Variants in ZSCAN5A observed in about 807,000 individuals in gnomAD.
ZSCAN5A encodes the protein zinc finger and SCAN domain containing 5A, also known as zinc finger and SCAN domain-containing protein 5A.
ZSCAN5A carries 12 observed loss-of-function variants against 23.7 expected under a neutral mutation model. The observed-to-expected ratio is 0.51, with a 90% CI of 0.32 to 0.82. The LOEUF (loss-of-function observed/expected upper bound fraction) is 0.82, where lower values mean the gene tolerates loss of function less well. ZSCAN5A is among the 40% of genes least tolerant of loss of function. The pLI, the probability that ZSCAN5A is intolerant of heterozygous loss-of-function variation, is 0.03. For synonymous variants in ZSCAN5A, 257 were observed against 239.9 expected (o/e 1.07, Z -0.66); for missense variants, 597 against 617.9 (o/e 0.97, Z 0.36).
At chr19:56,253,153 C>T (rs1374914881) in intron 2 of ZSCAN5A, among the ~76,000 whole-genome samples, 1 of 151,832 alleles carries the variant, frequency 6.6e-6, no homozygotes, top group Admixed American at 6.6e-5. Context: ...AGGTGTGAGC[C>T]TATAGGTTCA....
intron 2 of ZSCAN5A, among the ~76,000 whole-genome samples, chr19:56,238,873 G>A (rs2035194289): frequency 6.6e-6 from 1 of 151,882 alleles, no homozygotes; most frequent in Non-Finnish European, 1.5e-5. Context: ...CATGTTTCAA[G>A]AGGAGAGGAC....
At chr19:56,327,042 A>C (rs952854702) in intron 2 of ZSCAN5A, among the ~76,000 whole-genome samples, 1 of 150,492 alleles carries the variant, frequency 6.6e-6, no homozygotes, top group Non-Finnish European at 1.5e-5. Context: ...ACTTACATGA[A>C]TATAGAAAAG....
Position 56,225,123 on chromosome 19 carries a change from C to T in ZSCAN5A, c.-77G>A. On this transcript the variant is annotated 5_prime_UTR_variant, in exon 3 of 6. It adds an upstream start codon to the 5' untranslated region. Coordinates refer to ENST00000683990, the MANE Select transcript of ZSCAN5A (RefSeq NM_001322064.3). ...GGTATCTAATTGATACCTATCTACA[C>T]AGGCTTCCTCTGGTTTTCCTCAGTA... 1.3e-6 allele frequency: 2 copies of T among 1,504,658 alleles called. No individual in the cohort carries two copies. The highest frequency in any genetic ancestry group is 8.8e-7 in the Non-Finnish European group (1 of 1,135,412). 93.2% of individuals were successfully genotyped at this position (1,504,658 alleles called of 1,614,324 possible). A position where few individuals can be genotyped will look rare whatever the true frequency, so the allele number is the denominator to read the frequency against.
chr19:56,349,419 G>A (rs10411000), intron 2 of ZSCAN5A, among the ~76,000 whole-genome samples: 4 of 152,134 alleles, frequency 2.6e-5, no homozygotes, highest in African/African-American at 9.7e-5. Flanking sequence ...GATCTTGGCC[G>A]AGCGCGGTGG....
chr19:56,227,854 G>C (rs997239043), intron 2 of ZSCAN5A, among the ~76,000 whole-genome samples: 1 of 151,856 alleles, frequency 6.6e-6, no homozygotes, highest in African/African-American at 2.4e-5. Context: ...AGGAGTTCAG[G>C]ACCAGCCTGA....
chr19:56,240,873 C>A (rs1305538350), intron 2 of ZSCAN5A, among the ~76,000 whole-genome samples: 1 of 152,094 alleles, frequency 6.6e-6, no homozygotes, highest in Non-Finnish European at 1.5e-5. Flanking sequence ...ACAGGCCCGG[C>A]TACATTTTAT....
chr19:56,289,613 T>C (rs560895689), intron 2 of ZSCAN5A, among the ~76,000 whole-genome samples: 45 of 152,188 alleles, frequency 3.0e-4, no homozygotes, highest in African/African-American at 1.1e-3. Flanking sequence ...GGTCTGTTTG[T>C]TTGTTTTTGG....
At chr19:56,253,407 T>C (rs913385782) in intron 2 of ZSCAN5A, among the ~76,000 whole-genome samples, 4 of 152,074 alleles carry the variant, frequency 2.6e-5, no homozygotes, top group African/African-American at 9.7e-5. Flanking sequence ...CTAGAAAGGT[T>C]GGAACACCTG....
intron 2 of ZSCAN5A, among the ~76,000 whole-genome samples, chr19:56,267,591 C>T (rs955529631): frequency 2.0e-5 from 3 of 152,194 alleles, no homozygotes; most frequent in Admixed American, 6.5e-5. Flanking sequence ...CTGGGTAGCA[C>T]GGATACAGGA....
chr19:56,308,474 C>T (rs1201231629), intron 2 of ZSCAN5A, among the ~76,000 whole-genome samples: 2 of 152,064 alleles, frequency 1.3e-5, no homozygotes, highest in Non-Finnish European at 2.9e-5. Flanking sequence ...CAGGCATGCA[C>T]CACCACACCT....
intron 2 of ZSCAN5A, among the ~76,000 whole-genome samples, chr19:56,307,446 C>A (rs1399408720): frequency 6.6e-6 from 1 of 152,136 alleles, no homozygotes; most frequent in Non-Finnish European, 1.5e-5. Context: ...ATAAAAAATT[C>A]TAAGTTGCTT....
Position 56,273,766 on chromosome 19 carries a change from G to A in ZSCAN5A, c.-128+39517C>T, listed in dbSNP as rs930171613. 1.1e-4 allele frequency among the ~76,000 whole-genome samples: 16 copies of A among 152,254 alleles called. 1 individual carries two copies. The highest frequency in any genetic ancestry group is 8.3e-4 in the South Asian group (4 of 4,820). ...ACAGGAGGCAGGAAACAGAACAGAC[G>A]GGGGCATGTGAGTCACAGGAAAAAT... On this transcript the variant is annotated intron_variant, in intron 2 of 5. Transcript: ENST00000683990.
chr19:56,281,191 G>T (rs1318102091), intron 2 of ZSCAN5A, among the ~76,000 whole-genome samples: 1 of 152,102 alleles, frequency 6.6e-6, no homozygotes, highest in African/African-American at 2.4e-5. Flanking sequence ...CATTATCAAG[G>T]TCTTCATCCT....
At chr19:56,284,082 C>T (rs2038920487) in intron 2 of ZSCAN5A, 1 of 753,634 alleles carries the variant, frequency 1.3e-6, no homozygotes, top group African/African-American at 1.9e-5. Context: ...AGCATCTGAC[C>T]TCGTTTTTGG....
At chr19:56,222,418 T>A (rs1178237700) in intron 5 of ZSCAN5A, 92 bp from the exon 6 acceptor site, 3 of 1,569,316 alleles carry the variant, frequency 1.9e-6, no homozygotes, top group Admixed American at 1.8e-5. Context: ...GGCTGACAAC[T>A]TCCGCTCAAG....
rs531457209 is a variant in ZSCAN5A at position 56,352,343 on chromosome 19, T to C, written c.-358+10892A>G. ...CAAATGAATGTGATTACTGGGGCAC[T>C]GTAGAGACAGAGAGAGACATGAGAT... On this transcript the variant is annotated intron_variant, in intron 2 of 6. Transcript: ENST00000587340. The surrounding 1 kb of genome is among the most constrained non-coding windows in gnomAD (Gnocchi z 4.2). Among the ~76,000 whole-genome samples, 1 of 152,332 alleles carries C rather than the reference T, an allele frequency of 6.6e-6. No individual in the cohort carries two copies. The highest frequency in any genetic ancestry group is 2.4e-5 in the African/African-American group (1 of 41,588).
At chr19:56,321,397 T>A (rs2041374178) in intron 2 of ZSCAN5A, 1 of 648,782 alleles carries the variant, frequency 1.5e-6, no homozygotes. Context: ...AGCTGCAGCA[T>A]CCTTATCATC....
At chr19:56,258,748 C>T (rs2036910249) in intron 2 of ZSCAN5A, among the ~76,000 whole-genome samples, 1 of 152,176 alleles carries the variant, frequency 6.6e-6, no homozygotes, top group African/African-American at 2.4e-5. Flanking sequence ...AGTTGGATTT[C>T]CATCCCCTTG....
chr19:56,353,610 CTACTAAAAAAAAA>C (rs547790062), intron 2 of ZSCAN5A, among the ~76,000 whole-genome samples: 1,585 of 151,708 alleles, frequency 0.01, 31 homozygotes, highest in African/African-American at 0.035. Context: ...AACCCCGTCT[CTACTAAAAAAAAA>C]TACAAAAAAT....
Sources: gnomAD v4.1 joint callset for allele counts (sites outside exome capture counted in the v4.1 genomes callset) on GRCh38, gnomAD v4.1.1 for gene constraint, Gnocchi (gnomAD v3.1) non-coding constraint, MANE v1.5 for transcripts, NCBI Gene and HGNC (gene_info 2026-07-23, HGNC 2026-07-21) for gene names.